C10orf67: variants seen among roughly 807,000 people sequenced by gnomAD.
The protein encoded by C10orf67 is uncharacterized protein C10orf67, mitochondrial.
A neutral mutation model predicts 35.6 loss-of-function variants in C10orf67; 60 were observed. The ratio of observed to expected loss-of-function variants is 1.68; its 90% CI spans 1.37 to 2.09. The LOEUF (loss-of-function observed/expected upper bound fraction) is 2.09. Ranked by LOEUF, C10orf67 falls within the 30% of genes most tolerant of loss-of-function variation. C10orf67 has a pLI of 0.00. For synonymous variants in C10orf67, 167 were observed against 115.8 expected (o/e 1.44, Z -2.84); for missense variants, 474 against 330.2 (o/e 1.44, Z -3.38).
At chr10:23,298,187 G>A (rs542466131) in intron 5 of C10orf67, among the ~76,000 whole-genome samples, 28 of 152,030 alleles carry the variant, frequency 1.8e-4, no homozygotes, top group East Asian at 3.9e-4. Context: ...CCTGGGAGGC[G>A]GAGCTTGCAG....
chr10:23,206,999 C>T (rs1308709784), intron 15 of C10orf67, among the ~76,000 whole-genome samples: 2 of 152,196 alleles, frequency 1.3e-5, no homozygotes, highest in African/African-American at 2.4e-5. Context: ...GAAGAGAAAG[C>T]ACTGTCATCT....
rs572183373 is a variant in C10orf67, at chr10:23,344,034, C to T, written c.206+535G>A. On this transcript the variant is annotated intron_variant, in intron 1 of 15. Transcript: ENST00000636213. Reference sequence around the variant, plus strand: ...CGGACGTGCGCCTCCCGCGGAGCCGCTCGCTCTCCTGAGTCGGAGTCGGGA... The same window carrying T: ...CGGACGTGCGCCTCCCGCGGAGCCGTTCGCTCTCCTGAGTCGGAGTCGGGA... 1.5e-3 allele frequency: 561 copies of T among 386,766 alleles called. 3 individuals are homozygous for T. The highest frequency in any genetic ancestry group is 2.2e-3 in the Non-Finnish European group (396 of 180,528). The allele number at this position is 386,766 out of a possible 1,614,324, so 24.0% of individuals were successfully genotyped here. A position where few individuals can be genotyped will look rare whatever the true frequency, so the allele number is the denominator to read the frequency against.
At chr10:23,239,106 C>T (rs749683426) in intron 13 of C10orf67, among the ~76,000 whole-genome samples, 2 of 152,136 alleles carry the variant, frequency 1.3e-5, no homozygotes, top group African/African-American at 2.4e-5. Context: ...CCTCAGAGCA[C>T]TTAGCATCAC....
At chr10:23,300,303 C>T (rs1005010531) in intron 5 of C10orf67, among the ~76,000 whole-genome samples, 4 of 152,142 alleles carry the variant, frequency 2.6e-5, no homozygotes, top group Non-Finnish European at 5.9e-5. Context: ...ATTAGGCATT[C>T]GATTTTCCCA....
At chr10:23,257,054 A>T (rs1226973230) in intron 10 of C10orf67, among the ~76,000 whole-genome samples, 2 of 152,186 alleles carry the variant, frequency 1.3e-5, no homozygotes, top group African/African-American at 4.8e-5. Context: ...ATATTATGTC[A>T]ATGGGAAAAA....
At position 23,203,023 on chromosome 10, in the gene C10orf67, AC is replaced by A. The variant is rs774550809; in HGVS notation, c.*1149del. On this transcript the variant is annotated 3_prime_UTR_variant, in exon 16 of 16. Coordinates refer to ENST00000636213, the MANE Select transcript of C10orf67 (RefSeq NM_001371909.1). Reference sequence around the variant, plus strand: ...ACCAGCAATTGCCATTAATCTACTTACTAATTAAGCCAATTCATTTCTAAAG... The same window carrying A: ...ACCAGCAATTGCCATTAATCTACTTATAATTAAGCCAATTCATTTCTAAAG... 6.6e-6 allele frequency: 1 copy of A among 152,246 alleles called. No individual in the cohort carries two copies. The highest frequency in any genetic ancestry group is 1.5e-5 in the Non-Finnish European group (1 of 68,052). 9.4% of individuals were successfully genotyped at this position (152,246 alleles called of 1,614,324 possible).
intron 12 of C10orf67, among the ~76,000 whole-genome samples, chr10:23,241,323 G>T (rs1284271390): frequency 6.6e-6 from 1 of 152,212 alleles, no homozygotes; most frequent in Non-Finnish European, 1.5e-5. Context: ...TATAACCAGA[G>T]TCTCACCATA....
At chr10:23,217,812 G>T (rs1044142064) in intron 15 of C10orf67, among the ~76,000 whole-genome samples, 2 of 152,190 alleles carry the variant, frequency 1.3e-5, no homozygotes, top group African/African-American at 4.8e-5. Context: ...AAATAAGACA[G>T]TCCATCAAAT....
At chr10:23,298,284 C>A (rs912649150) in intron 5 of C10orf67, among the ~76,000 whole-genome samples, 2 of 152,058 alleles carry the variant, frequency 1.3e-5, no homozygotes, top group African/African-American at 4.8e-5. Context: ...AAAATAAAAA[C>A]AATGAGGCCA....
intron 13 of C10orf67, among the ~76,000 whole-genome samples, chr10:23,235,562 T>C (rs1396453426): frequency 6.6e-6 from 1 of 152,108 alleles, no homozygotes; most frequent in African/African-American, 2.4e-5. Context: ...GTTTGCAAGA[T>C]GGAAAAGAGT....
chr10:23,249,569 T>C (rs1842398874), intron 12 of C10orf67, among the ~76,000 whole-genome samples: 3 of 152,230 alleles, frequency 2.0e-5, no homozygotes, highest in Admixed American at 2.0e-4. Context: ...CATGGATTCT[T>C]TGTGCCACCG....
intron 15 of C10orf67, among the ~76,000 whole-genome samples, chr10:23,223,173 G>T (rs1234373171): frequency 6.6e-6 from 1 of 151,924 alleles, no homozygotes; most frequent in Admixed American, 6.6e-5. Flanking sequence ...TTGACCTCCT[G>T]GGCTCAAGCA....
intron 8 of C10orf67, among the ~76,000 whole-genome samples, chr10:23,279,876 T>C (rs12770499): frequency 2.0e-5 from 3 of 151,904 alleles, no homozygotes; most frequent in Admixed American, 6.6e-5. Flanking sequence ...AAATAGACAG[T>C]GTCTTGCTCT....
At chr10:23,277,852 T>C (rs186122851) in intron 8 of C10orf67, among the ~76,000 whole-genome samples, 1 of 152,300 alleles carries the variant, frequency 6.6e-6, no homozygotes, top group African/African-American at 2.4e-5. Flanking sequence ...AAAAGAGGTT[T>C]AATTGGCTCA....
At chr10:23,225,187 A>G (rs1841702976) in intron 13 of C10orf67, among the ~76,000 whole-genome samples, 1 of 152,244 alleles carries the variant, frequency 6.6e-6, no homozygotes, top group East Asian at 1.9e-4. Context: ...GAAACTCTAC[A>G]AGCCAGAAGA....
intron 1 of C10orf67, among the ~76,000 whole-genome samples, chr10:23,335,824 G>A (rs1845657393): frequency 6.6e-6 from 1 of 152,108 alleles, no homozygotes; most frequent in Admixed American, 6.5e-5. Context: ...TTACTCATGT[G>A]TCACATATCT....
intron 9 of C10orf67, 90 bp from the exon 10 acceptor site, chr10:23,266,516 T>G (rs1487410103): frequency 2.3e-5 from 9 of 397,236 alleles, no homozygotes; most frequent in Non-Finnish European, 4.4e-6. Flanking sequence ...TCCCCTGAGC[T>G]GGAATTGCAG....
At chr10:23,328,993 C>CAAAAAAAAAAAAAAAAAAGAAAAAAAA (rs1845310437) in intron 2 of C10orf67, among the ~76,000 whole-genome samples, 5 of 78,730 alleles carry the variant, frequency 6.4e-5, no homozygotes, top group Admixed American at 1.5e-4. Context: ...CATAAACGAA[C>CAAAAAAAAAAAAAAAAAAGAAAAAAAA]AAAAAAAAAA....
chr10:23,238,141 T>C (rs1019264950), intron 13 of C10orf67, among the ~76,000 whole-genome samples: 1 of 152,210 alleles, frequency 6.6e-6, no homozygotes, highest in African/African-American at 2.4e-5. Flanking sequence ...ATTTTTGTCT[T>C]GTTCACTATG....
Sources: allele counts gnomAD v4.1 joint callset (sites outside exome capture counted in the v4.1 genomes callset), GRCh38; gene constraint gnomAD v4.1.1; transcripts MANE v1.5; gene names NCBI Gene and HGNC (gene_info 2026-07-23, HGNC 2026-07-21).